Variants in TATDN3 observed in about 807,000 individuals in gnomAD.
TATDN3 encodes TatD DNase domain containing 3.
Under a neutral mutation model 40.1 loss-of-function variants are expected in TATDN3, and 29 were observed. That is an observed-to-expected ratio of 0.72 (90% CI 0.54 to 0.99). TATDN3 has a LOEUF of 0.99. TATDN3 is among the 50% of genes least tolerant of loss of function. The probability of loss-of-function intolerance (pLI) is 0.00; values close to 1 mark genes in which losing one functional copy is unlikely to be tolerated. For synonymous variants in TATDN3, 105 were observed against 117.0 expected, an observed-to-expected ratio of 0.90 and a Z score of 0.66; for missense variants, 309 against 321.9, an observed-to-expected ratio of 0.96 and a Z score of 0.31.
intron 2 of TATDN3, among the ~76,000 whole-genome samples, chr1:212,795,688 T>C (rs1453352576): frequency 6.6e-6 from 1 of 152,214 alleles, no homozygotes; most frequent in African/African-American, 2.4e-5. Flanking sequence ...GCTGGGATTA[T>C]AGGCATGCGG....
At chr1:212,799,547 T>TC in intron 4 of TATDN3, among the ~76,000 whole-genome samples, 1 of 151,978 alleles carries the variant, frequency 6.6e-6, no homozygotes, top group East Asian at 1.9e-4. Context: ...TTCTTTTTTT[T>TC]TTTTTTTTGA....
At chr1:212,808,179 G>A (rs936889590) in intron 8 of TATDN3, among the ~76,000 whole-genome samples, 6 of 152,038 alleles carry the variant, frequency 3.9e-5, no homozygotes, top group African/African-American at 1.2e-4. Context: ...TGGGCGTGGT[G>A]GCATGTGCTT....
chr1:212,804,347 G>A lies in TATDN3; in HGVS notation c.349G>A (p.Ala117Thr), dbSNP rs1462427102. 2 of 1,613,934 alleles carry A rather than the reference G, an allele frequency of 1.2e-6. No homozygotes were observed. The highest frequency in any genetic ancestry group is 1.3e-5 in the African/African-American group (1 of 75,006). The change falls in exon 6 of 10, where the codon GCT (alanine) becomes ACT (threonine). Residue 117 changes from alanine (A) to threonine (T), a missense_variant. Ala to Thr is a moderately conservative substitution (Grantham distance 58). Coordinates refer to ENST00000366974, the MANE Select transcript of TATDN3 (RefSeq NM_001042552.3). ...EVGLDFSPRF[A>T]GTGEQKEEQR... Reference sequence around the variant, plus strand: ...TGGACTAGATTTCTCCCCCAGATTTGCTGGCACTGGTGAACAGAAGGAAGA... The same window carrying A: ...TGGACTAGATTTCTCCCCCAGATTTACTGGCACTGGTGAACAGAAGGAAGA...
At chr1:212,798,380 GTAGC>G (rs1661934836) in intron 4 of TATDN3, among the ~76,000 whole-genome samples, 2 of 151,080 alleles carry the variant, frequency 1.3e-5, no homozygotes, top group African/African-American at 4.9e-5. Flanking sequence ...GATACCTTAG[GTAGC>G]TAGCTCTACT....
At chr1:212,792,412 G>T (rs1418571577) in intron 1 of TATDN3, among the ~76,000 whole-genome samples, 1 of 149,508 alleles carries the variant, frequency 6.7e-6, no homozygotes, top group Non-Finnish European at 1.5e-5. Flanking sequence ...CGGGCGCTGC[G>T]CATCTCCTGT....
rs112143745 is a variant in TATDN3, at chr1:212,814,716, A to G, written c.682-297A>G. 3.5e-3 allele frequency among the ~76,000 whole-genome samples: 530 copies of G among 152,308 alleles called. 7 individuals carry two copies. Among genetic ancestry groups the G allele is most frequent in the African/African-American group, 0.012 (507 of 41,576 alleles). ...CACCTAAGCAACAAACCAAAGGACA[A>G]TTAATCCATTAGTCAGGCAGGTTAC... On this transcript the variant is annotated intron_variant, in intron 9 of 9. Transcript: ENST00000366974.
intron 4 of TATDN3, among the ~76,000 whole-genome samples, chr1:212,800,306 A>C (rs1662089891): frequency 6.6e-6 from 1 of 152,096 alleles, no homozygotes; most frequent in Admixed American, 6.6e-5. Flanking sequence ...ATTTGGCATT[A>C]ATATAGAATT....
intron 4 of TATDN3, among the ~76,000 whole-genome samples, chr1:212,798,852 A>G (rs1661991855): frequency 6.6e-6 from 1 of 152,242 alleles, no homozygotes; most frequent in South Asian, 2.1e-4. Flanking sequence ...TGGCCCAGAC[A>G]GACAGTCAAC....
chr1:212,792,165 AT>A (rs35705391), intron 1 of TATDN3, among the ~76,000 whole-genome samples, 178 bp downstream of exon 1: 5 of 150,924 alleles, frequency 3.3e-5, no homozygotes, highest in African/African-American at 9.8e-5. Context: ...AGACATACCG[AT>A]TTTTTTTTCC....
At chr1:212,806,795 C>CACATATATACACATATAT (rs1553257538) in intron 7 of TATDN3, among the ~76,000 whole-genome samples, 1 of 96,982 alleles carries the variant, frequency 1.0e-5, no homozygotes, top group Non-Finnish European at 2.2e-5. Flanking sequence ...CACACACACA[C>CACATATATACACATATAT]ACACATATAT....
At chr1:212,803,315 T>G (rs1046572306) in intron 5 of TATDN3, among the ~76,000 whole-genome samples, 2 of 152,002 alleles carry the variant, frequency 1.3e-5, no homozygotes, top group Admixed American at 1.3e-4. Context: ...CCCTACTAGC[T>G]GGGATTACAG....
chr1:212,808,266 C>T (rs1278828432), intron 8 of TATDN3, among the ~76,000 whole-genome samples: 1 of 144,860 alleles, frequency 6.9e-6, no homozygotes, highest in East Asian at 2.0e-4. Context: ...GAGCCAAGAT[C>T]AAGCCATTGC....
intron 1 of TATDN3, among the ~76,000 whole-genome samples, chr1:212,793,336 C>G (rs1467391696): frequency 6.6e-6 from 1 of 152,084 alleles, no homozygotes; most frequent in Non-Finnish European, 1.5e-5. Flanking sequence ...TCTCAGCCTC[C>G]CAAGTAGCTG....
chr1:212,804,274 G>T (rs1290347354), intron 5 of TATDN3, 46 bp from the exon 6 acceptor site: 9 of 1,396,834 alleles, frequency 6.4e-6, no homozygotes, highest in Non-Finnish European at 9.1e-6. Flanking sequence ...CTCTTTTGAG[G>T]TTCCTTAAAC....
At chr1:212,794,869 A>C in intron 1 of TATDN3, 3 of 648,208 alleles carry the variant, frequency 4.6e-6, no homozygotes, top group Non-Finnish European at 8.6e-6. Flanking sequence ...AATACCCTGT[A>C]TATTTGACAA....
intron 4 of TATDN3, among the ~76,000 whole-genome samples, chr1:212,799,136 G>A (rs1448767568): frequency 1.3e-5 from 2 of 152,190 alleles, no homozygotes; most frequent in East Asian, 3.9e-4. Flanking sequence ...GGGCTCATAT[G>A]GCTAGAGAAA....
Position 212,804,730 on chromosome 1 carries a change from G to A in TATDN3, c.487+79G>A, listed in dbSNP as rs190241316. 6.1e-5 allele frequency: 80 copies of A among 1,305,538 alleles called. No homozygotes were observed. In the Admixed American group the frequency reaches 1.3e-3, roughly 21 times the overall value. The allele number at this position is 1,305,538 out of a possible 1,614,324, so 80.9% of individuals were successfully genotyped here. A position where few individuals can be genotyped will look rare whatever the true frequency, so the allele number is the denominator to read the frequency against. ...TTTATGTTCTCATAAAGCAAGCCAT[G>A]TTTTAATCTGATTTCTTGAAGGGCA... On this transcript the variant is annotated intron_variant, in intron 7 of 9. Coordinates refer to ENST00000366974, the MANE Select transcript of TATDN3 (RefSeq NM_001042552.3).
intron 8 of TATDN3, among the ~76,000 whole-genome samples, chr1:212,810,511 CAAAAAAAAAAA>C (rs55912631): frequency 4.0e-4 from 20 of 49,724 alleles, no homozygotes; most frequent in East Asian, 7.0e-4. Flanking sequence ...GACTCTGTCT[CAAAAAAAAAAA>C]AAAAAAAAAA....
At chr1:212,794,668 T>A (rs1027071096) in intron 1 of TATDN3, 1 of 448,694 alleles carries the variant, frequency 2.2e-6, no homozygotes, top group East Asian at 6.9e-5. Flanking sequence ...TCAAGGCAAG[T>A]GCAGAGAGAG....
Sources: allele counts gnomAD v4.1 joint callset (sites outside exome capture counted in the v4.1 genomes callset), GRCh38; gene constraint gnomAD v4.1.1; transcripts MANE v1.5; gene names NCBI Gene and HGNC (gene_info 2026-07-23, HGNC 2026-07-21).